The following DNAH17 variants were observed in gnomAD, a reference collection of about 807,000 sequenced individuals.
DNAH17 encodes the protein dynein axonemal heavy chain 17, also known as axonemal beta dynein heavy chain 17.
A neutral mutation model predicts 485.6 loss-of-function variants in DNAH17; 376 were observed. The observed-to-expected ratio is 0.77, with a 90% CI of 0.71 to 0.84. The LOEUF (loss-of-function observed/expected upper bound fraction) is 0.84, where lower values mean the gene tolerates loss of function less well. Among genes scored for constraint, DNAH17 ranks in the 40% least tolerant of loss-of-function variants. DNAH17 has a pLI of 0.00. For synonymous variants in DNAH17, 3,031 were observed against 2,405.9 expected (o/e 1.26, Z -7.60); for missense variants, 6,370 against 5,839.3 (o/e 1.09, Z -2.96).
chr17:78,507,222 A>C (rs2090509328), intron 29 of DNAH17, 56 bp downstream of exon 29: 5 of 1,594,828 alleles, frequency 3.1e-6, no homozygotes, highest in South Asian at 1.1e-5. Context: ...GTCAGACTTA[A>C]GACTTAGGGA....
intron 25 of DNAH17, among the ~76,000 whole-genome samples, chr17:78,519,458 G>C (rs76674081): frequency 0.054 from 8,283 of 152,144 alleles, 321 homozygotes; most frequent in African/African-American, 0.099. Context: ...ACCAGAAACT[G>C]ATGAAGTTTA....
At chr17:78,480,644 C>T (rs1348658846) in intron 49 of DNAH17, 40 bp downstream of exon 49, 1 of 1,560,614 alleles carries the variant, frequency 6.4e-7, no homozygotes, top group Non-Finnish European at 8.8e-7. Context: ...AAGCCTCAGA[C>T]TCATGGCAGG....
intron 44 of DNAH17, 30 bp from the exon 45 acceptor site, chr17:78,486,536 A>G (rs748901869): frequency 6.3e-7 from 1 of 1,575,558 alleles, no homozygotes; most frequent in Non-Finnish European, 8.6e-7. Flanking sequence ...CCGATGACAC[A>G]GCCGCTGCTC....
intron 59 of DNAH17, 23 bp from the exon 60 acceptor site, chr17:78,460,024 G>A (rs752162924): frequency 1.6e-5 from 25 of 1,611,152 alleles, no homozygotes; most frequent in Non-Finnish European, 2.0e-5. Flanking sequence ...GACGGGATGG[G>A]TCCGATGGGA....
chr17:78,431,923 G>GCA (rs1467409711), intron 75 of DNAH17, among the ~76,000 whole-genome samples: 2 of 152,110 alleles, frequency 1.3e-5, no homozygotes, highest in Non-Finnish European at 2.9e-5. Flanking sequence ...TGTAATCCTA[G>GCA]CACTTTGGGA....
chr17:78,486,850 T>C (rs564210584), intron 44 of DNAH17, among the ~76,000 whole-genome samples: 1 of 151,726 alleles, frequency 6.6e-6, no homozygotes, highest in African/African-American at 2.4e-5. Flanking sequence ...AGGAGAAAGA[T>C]CTCATGATGT....
At chr17:78,543,233 G>C (rs2143473538) in intron 17 of DNAH17, among the ~76,000 whole-genome samples, 1 of 152,210 alleles carries the variant, frequency 6.6e-6, no homozygotes. Flanking sequence ...TCCTGCCTCA[G>C]CCTCCCGAGT....
In DNAH17 at chr17:78,485,722, G is replaced by T; in HGVS notation, c.7311C>A (p.Ile2437=). The T allele has an allele frequency of 6.2e-7, 1 of 1,613,996 alleles. No individual in the cohort carries two copies. The highest frequency in any genetic ancestry group is 8.5e-7 in the Non-Finnish European group (1 of 1,179,900). Residue 2437 remains isoleucine (I), a synonymous_variant, in exon 47 of 81, where the codon ATC becomes ATA. Coordinates refer to ENST00000389840, the MANE Select transcript of DNAH17 (RefSeq NM_173628.4). ...SLVHTTETIR[I]RYFMDLLMEK... ...CCATGAGCAGGTCCATGAAGTAGCG[G>T]ATGCGGATGGTTTCCGTGGTGTGGA...
chr17:78,510,751 G>GGCC, intron 26 of DNAH17: 1 of 376,250 alleles, frequency 2.7e-6, no homozygotes, highest in Non-Finnish European at 4.9e-6. Flanking sequence ...CGGAATTGCG[G>GGCC]CCCCCCCGCA....
chr17:78,559,954 G>A (rs560897805), intron 13 of DNAH17, among the ~76,000 whole-genome samples: 177 of 152,158 alleles, frequency 1.2e-3, no homozygotes, highest in South Asian at 1.2e-3. Flanking sequence ...CCTCCCACAA[G>A]TCTCTGCTCA....
chr17:78,450,202 C>CAGAT, intron 68 of DNAH17, 52 bp downstream of exon 68: 1 of 1,604,754 alleles, frequency 6.2e-7, no homozygotes, highest in Non-Finnish European at 8.5e-7. Context: ...CTGTGGAGCC[C>CAGAT]AGATGCAGCC....
chr17:78,505,018 G>A (rs1361711503), intron 31 of DNAH17, among the ~76,000 whole-genome samples: 3 of 143,138 alleles, frequency 2.1e-5, no homozygotes, highest in African/African-American at 7.8e-5. Flanking sequence ...CGATTCTCCT[G>A]CCTCAGCCTC....
At chr17:78,445,162 C>A (rs549942556) in intron 70 of DNAH17, among the ~76,000 whole-genome samples, 4 of 144,176 alleles carry the variant, frequency 2.8e-5, no homozygotes, top group African/African-American at 1.1e-4. Flanking sequence ...GTCCAGGAAT[C>A]TGAAGAACAA....
intron 56 of DNAH17, among the ~76,000 whole-genome samples, chr17:78,464,841 A>G (rs1460215242): frequency 6.6e-6 from 1 of 152,254 alleles, no homozygotes; most frequent in Non-Finnish European, 1.5e-5. Flanking sequence ...CAATGAAACA[A>G]AAAAACCCAA....
Position 78,429,095 on chromosome 17 carries a change from GCTC to G in DNAH17, c.12405+23_12405+25del, listed in dbSNP as rs754346155. 6.9e-6 allele frequency: 11 copies of G among 1,605,144 alleles called. No homozygotes were observed. The East Asian group carries it at 2.5e-4, about 36-fold the overall frequency. On this transcript the variant is annotated intron_variant, in intron 76 of 80. Transcript: ENST00000389840. ...GAGGCACGAGCCTTCATTACGTTGA[GCTC>G]CTGTTTAACTTGTCATCCTTACCTT...
chr17:78,510,938 C>G (rs1182850269), intron 26 of DNAH17, among the ~76,000 whole-genome samples: 7 of 152,190 alleles, frequency 4.6e-5, no homozygotes, highest in Non-Finnish European at 8.8e-5. Flanking sequence ...GAAAGAGGGC[C>G]TTGTGGAGAC....
chr17:78,439,156 T>A lies in DNAH17; in HGVS notation c.11739A>T (p.Gly3913=), dbSNP rs779735489. The change falls in exon 73 of 81, where the codon GGA becomes GGT. Residue 3913 remains glycine (G), a synonymous_variant. Transcript: ENST00000389840. ...GKLHNVSLGQ[G]QEVVAENALD... Reference sequence around the variant, plus strand: ...GGGCGTTCTCAGCCACCACCTCTTGTCCCTGCCCCAGGGACACATTATGGA... The same window carrying A: ...GGGCGTTCTCAGCCACCACCTCTTGACCCTGCCCCAGGGACACATTATGGA... The A allele has an allele frequency of 2.5e-6, 4 of 1,613,656 alleles. No individual in the cohort carries two copies. The Admixed American group carries it at 6.7e-5, about 27-fold the overall frequency.
chr17:78,448,198 A>G (rs1468729179), intron 69 of DNAH17, among the ~76,000 whole-genome samples: 2 of 150,000 alleles, frequency 1.3e-5, no homozygotes, highest in African/African-American at 5.0e-5. Context: ...AAAAAACCAG[A>G]ACAGAAAAAA....
intron 56 of DNAH17, among the ~76,000 whole-genome samples, chr17:78,464,076 G>A (rs1274015835): frequency 6.6e-6 from 1 of 152,100 alleles, no homozygotes; most frequent in African/African-American, 2.4e-5. Flanking sequence ...GCTAGTTTCA[G>A]GTTTATTCTG....
Sources: gnomAD v4.1 joint callset for allele counts (sites outside exome capture counted in the v4.1 genomes callset) on GRCh38, gnomAD v4.1.1 for gene constraint, MANE v1.5 for transcripts, NCBI Gene and HGNC (gene_info 2026-07-23, HGNC 2026-07-21) for gene names.